PRKCQ: variants seen among roughly 807,000 people sequenced by gnomAD.
The protein encoded by PRKCQ is protein kinase C theta type.
Under a neutral mutation model 91.2 loss-of-function variants are expected in PRKCQ, and 41 were observed. The observed-to-expected ratio is 0.45, with a 90% CI of 0.35 to 0.58. The LOEUF (loss-of-function observed/expected upper bound fraction) is 0.58, where lower values mean the gene tolerates loss of function less well. Ranked by LOEUF, PRKCQ falls within the 20% of genes least tolerant of loss-of-function variation. The pLI is 0.00. For missense variants in PRKCQ, 673 were observed against 896.5 expected (o/e 0.75, Z 3.18); for synonymous variants, 307 against 316.9 (o/e 0.97, Z 0.33).
the PRKCQ span, among the ~76,000 whole-genome samples, chr10:6,395,054 G>GTTTTTTT: frequency 2.6e-3 from 337 of 129,848 alleles, 10 homozygotes; most frequent in Non-Finnish European, 3.2e-3. Flanking sequence ...GGAAGCTGGA[G>GTTTTTTT]TCTTTTTTTT....
chr10:6,432,815 C>T lies in PRKCQ; in HGVS notation c.1837-1877G>A, dbSNP rs532200157. ...CTCCAGTCCAGACATTTCTGCTCACCGAAAACACCACCTGCCTTCCTGTCT... is the reference window on the plus strand; with the variant it reads ...CTCCAGTCCAGACATTTCTGCTCACTGAAAACACCACCTGCCTTCCTGTCT... On this transcript the variant is annotated intron_variant, in intron 16 of 17. Coordinates refer to ENST00000263125, the MANE Select transcript of PRKCQ (RefSeq NM_006257.5). Among the ~76,000 whole-genome samples, 9 of 152,222 alleles carry T rather than the reference C, an allele frequency of 5.9e-5. No individual in the cohort carries two copies. In the South Asian group the frequency reaches 8.3e-4, roughly 14 times the overall value.
rs114313844 is a variant in PRKCQ at position 6,553,242 on chromosome 10, C to T, written c.-10+26969G>A. Among the ~76,000 whole-genome samples, 1,087 of 152,272 alleles carry T rather than the reference C, an allele frequency of 7.1e-3. 15 individuals are homozygous for T. The highest frequency in any genetic ancestry group is 0.025 in the African/African-American group (1,051 of 41,540). On this transcript the variant is annotated intron_variant, in intron 1 of 17. Coordinates refer to ENST00000263125, the MANE Select transcript of PRKCQ (RefSeq NM_006257.5). ...TGAGAACCACTGCTGCAGATTCCAT[C>T]GGAATAGACATACGAGGCAGGCAGA...
At chr10:6,498,883 T>A (rs1837761696) in intron 4 of PRKCQ, among the ~76,000 whole-genome samples, 1 of 152,180 alleles carries the variant, frequency 6.6e-6, no homozygotes, top group Admixed American at 6.5e-5. Context: ...TTTGAAGGGA[T>A]CTATCAACCT....
intron 3 of PRKCQ, among the ~76,000 whole-genome samples, 173 bp from the exon 4 acceptor site, chr10:6,507,669 C>T (rs953612198): frequency 3.9e-5 from 6 of 152,206 alleles, no homozygotes; most frequent in East Asian, 3.8e-4. Flanking sequence ...CCGTGACAAT[C>T]GCCTTTCTTT....
At chr10:6,578,896 TGTGGG>T (rs549912794) in intron 1 of PRKCQ, among the ~76,000 whole-genome samples, 3 of 151,142 alleles carry the variant, frequency 2.0e-5, no homozygotes, top group South Asian at 2.1e-4. Context: ...AAGGTCGGGG[TGTGGG>T]GTGGGGTGGG....
At chr10:6,564,983 GAA>G (rs1182126238) in intron 1 of PRKCQ, among the ~76,000 whole-genome samples, 3 of 152,188 alleles carry the variant, frequency 2.0e-5, no homozygotes, top group African/African-American at 7.2e-5. Context: ...GCGGTTTTCA[GAA>G]AATGTAATCC....
chr10:6,412,391 A>G, the PRKCQ span, among the ~76,000 whole-genome samples: 1 of 152,244 alleles, frequency 6.6e-6, no homozygotes, highest in Non-Finnish European at 1.5e-5. Context: ...GGAGTTTTAA[A>G]AAGTGAAATT....
At chr10:6,397,862 T>C in the PRKCQ span, among the ~76,000 whole-genome samples, 2 of 151,848 alleles carry the variant, frequency 1.3e-5, no homozygotes, top group African/African-American at 2.4e-5. Flanking sequence ...GAGATGGAGG[T>C]TGTAGTGAGC....
intron 1 of PRKCQ, among the ~76,000 whole-genome samples, chr10:6,558,546 GA>G (rs1840506254): frequency 6.6e-6 from 1 of 152,192 alleles, no homozygotes; most frequent in South Asian, 2.1e-4. Flanking sequence ...AACTTAAGCT[GA>G]TGGTTTAGCA....
chr10:6,424,608 C>T (rs1011780096), downstream of PRKCQ, among the ~76,000 whole-genome samples: 2 of 152,194 alleles, frequency 1.3e-5, no homozygotes, highest in African/African-American at 2.4e-5. Flanking sequence ...CTCTGTTGGC[C>T]ATCATTGATG....
rs117349572 is a variant in PRKCQ, at chr10:6,555,738, G to A, written c.-10+24473C>T. On this transcript the variant is annotated intron_variant, in intron 1 of 17. Transcript: ENST00000263125. The stretch of plus-strand genomic sequence containing the variant: ...AACAGGGTATGGGCCAGGTGGGCAC[G>A]GTAGCTCACATCTGTAATCCCAGAA... Among the ~76,000 whole-genome samples the A allele has an allele frequency of 1.9e-3, 286 of 152,214 alleles. 1 individual carries two copies. Among genetic ancestry groups the A allele is most frequent in the Non-Finnish European group, 2.9e-3 (198 of 68,028 alleles).
chr10:6,547,719 A>G (rs1288679463), intron 1 of PRKCQ, among the ~76,000 whole-genome samples: 1 of 151,964 alleles, frequency 6.6e-6, no homozygotes, highest in Non-Finnish European at 1.5e-5. Context: ...TACACCTTAT[A>G]CAAAAATTAA....
At chr10:6,533,407 G>A (rs10906787) in intron 1 of PRKCQ, among the ~76,000 whole-genome samples, 59,699 of 151,932 alleles carry the variant, frequency 0.39, 14,373 homozygotes, top group Admixed American at 0.55. Flanking sequence ...ACGTTGGCCA[G>A]GCTAGTCTTG....
Position 6,427,251 on chromosome 10 carries a change from T to C in PRKCQ, c.*956A>G, listed in dbSNP as rs181993554. 22 of 152,280 alleles carry C rather than the reference T, an allele frequency of 1.4e-4. No homozygotes were observed. The highest frequency in any genetic ancestry group is 9.8e-4 in the Admixed American group (15 of 15,286). 9.4% of individuals were successfully genotyped at this position (152,280 alleles called of 1,614,324 possible). A position where few individuals can be genotyped will look rare whatever the true frequency, so the allele number is the denominator to read the frequency against. On this transcript the variant is annotated 3_prime_UTR_variant, in exon 18 of 18. Coordinates refer to ENST00000263125, the MANE Select transcript of PRKCQ (RefSeq NM_006257.5). The stretch of plus-strand genomic sequence containing the variant: ...GCACAAATACCTTTAAAATGTATGG[T>C]TGGAATTCTAATTCAACTCAATTGA...
At chr10:6,510,690 C>T (rs546579912) in intron 3 of PRKCQ, among the ~76,000 whole-genome samples, 1 of 152,178 alleles carries the variant, frequency 6.6e-6, no homozygotes, top group Non-Finnish European at 1.5e-5. Flanking sequence ...AAAACTCATC[C>T]CCCACTTAAG....
chr10:6,413,180 C>T, the PRKCQ span, among the ~76,000 whole-genome samples: 2 of 152,076 alleles, frequency 1.3e-5, no homozygotes, highest in African/African-American at 4.8e-5. Flanking sequence ...TTTTGATCTC[C>T]TGACCTTGTG....
chr10:6,418,741 A>G, the PRKCQ span, among the ~76,000 whole-genome samples: 6 of 152,188 alleles, frequency 3.9e-5, no homozygotes, highest in Non-Finnish European at 8.8e-5. Flanking sequence ...GTCCCAGCTC[A>G]AGGAACTGTC....
At position 6,542,652 on chromosome 10, in the gene PRKCQ, C is replaced by T. The variant is rs549916070; in HGVS notation, c.-9-27508G>A. 2.2e-4 allele frequency among the ~76,000 whole-genome samples: 33 copies of T among 152,260 alleles called. 1 individual carries two copies. Among genetic ancestry groups the T allele is most frequent in the Non-Finnish European group, 4.7e-4 (32 of 68,020 alleles). ...GTTCAACAGCTGGATCACTAGGTACCCGTCACCATCCATGTCTCCGTGTTA... is the reference window on the plus strand; with the variant it reads ...GTTCAACAGCTGGATCACTAGGTACTCGTCACCATCCATGTCTCCGTGTTA... On this transcript the variant is annotated intron_variant, in intron 1 of 17. Coordinates refer to ENST00000263125, the MANE Select transcript of PRKCQ (RefSeq NM_006257.5).
At chr10:6,495,867 G>A (rs1837557611) in intron 7 of PRKCQ, among the ~76,000 whole-genome samples, 1 of 152,150 alleles carries the variant, frequency 6.6e-6, no homozygotes, top group Admixed American at 6.5e-5. Flanking sequence ...TCTTCGGATG[G>A]TGGGTTCACT....
Sources: gnomAD v4.1 joint callset for allele counts (sites outside exome capture counted in the v4.1 genomes callset) on GRCh38, gnomAD v4.1.1 for gene constraint, MANE v1.5 for transcripts, NCBI Gene and HGNC (gene_info 2026-07-23, HGNC 2026-07-21) for gene names.